Variants in TENM2 observed in about 807,000 individuals in gnomAD.
The protein encoded by TENM2 is teneurin-2.
Under a neutral mutation model 245.2 loss-of-function variants are expected in TENM2, and 52 were observed. The ratio of observed to expected loss-of-function variants is 0.21; its 90% CI spans 0.17 to 0.27. The LOEUF is 0.27. Ranked by LOEUF, TENM2 falls within the 10% of genes least tolerant of loss-of-function variation. The pLI is 1.00. For synonymous variants in TENM2, 1,363 were observed against 1,438.9 expected (o/e 0.95, Z 1.19); for missense variants, 3,046 against 3,666.8 (o/e 0.83, Z 4.37).
intron 7 of TENM2, among the ~76,000 whole-genome samples, chr5:168,071,258 G>A (rs1215559187): frequency 6.6e-6 from 1 of 152,190 alleles, no homozygotes; most frequent in Non-Finnish European, 1.5e-5. Context: ...ATTCATGCTG[G>A]CACATAGAAA....
chr5:167,676,127 A>AT (rs1174144838), intron 2 of TENM2, among the ~76,000 whole-genome samples: 3 of 152,002 alleles, frequency 2.0e-5, no homozygotes, highest in Admixed American at 2.0e-4. Context: ...ACATGGTCAA[A>AT]TTTTCCAGAA....
At chr5:167,424,753 C>T (rs1246977177) in intron 2 of TENM2, among the ~76,000 whole-genome samples, 1 of 151,912 alleles carries the variant, frequency 6.6e-6, no homozygotes, top group African/African-American at 2.4e-5. Flanking sequence ...AAAAAAAAAT[C>T]TTCTGTTCAG....
chr5:168,149,829 C>T (rs1429743211), intron 12 of TENM2, among the ~76,000 whole-genome samples: 2 of 152,370 alleles, frequency 1.3e-5, no homozygotes, highest in African/African-American at 2.4e-5. Context: ...GCTACAGCCA[C>T]ACGGGCCTCC....
intron 2 of TENM2, among the ~76,000 whole-genome samples, chr5:167,824,274 C>T (rs760253789): frequency 4.6e-5 from 7 of 152,100 alleles, no homozygotes; most frequent in Non-Finnish European, 8.8e-5. Context: ...TGATATGCCT[C>T]ACCCTGCCAC....
intron 2 of TENM2, among the ~76,000 whole-genome samples, chr5:167,784,075 G>A (rs1189074111): frequency 2.6e-5 from 4 of 152,190 alleles, no homozygotes; most frequent in Non-Finnish European, 5.9e-5. Flanking sequence ...ATGAAATTAG[G>A]TTTAATTTAA....
chr5:167,782,294 CAA>C (rs1764239509), intron 2 of TENM2, among the ~76,000 whole-genome samples: 1 of 47,232 alleles, frequency 2.1e-5, no homozygotes, highest in Non-Finnish European at 3.9e-5. Context: ...GCCTGGGCAA[CAA>C]GAGCAAAACT....
Position 168,219,012 on chromosome 5 carries a change from G to A in TENM2, c.5108+13G>A. 6.2e-7 allele frequency: 1 copy of A among 1,607,034 alleles called. No homozygotes were observed. Among genetic ancestry groups the A allele is most frequent in the South Asian group, 1.1e-5 (1 of 90,568 alleles). On this transcript the variant is annotated intron_variant, in intron 23 of 28. Transcript: ENST00000518659. ...CGACTTTCTATGAGTAAGTGGGTTTGTAAAGCATCTCTGAAGAGCCCTTCC... is the reference window on the plus strand; with the variant it reads ...CGACTTTCTATGAGTAAGTGGGTTTATAAAGCATCTCTGAAGAGCCCTTCC...
chr5:167,746,647 TG>T (rs1761585098), intron 2 of TENM2, among the ~76,000 whole-genome samples: 2 of 142,652 alleles, frequency 1.4e-5, no homozygotes, highest in Non-Finnish European at 3.0e-5. Flanking sequence ...TTTTCAGTTA[TG>T]TGGGCACTGT....
At chr5:167,114,266 G>GT in the TENM2 span, among the ~76,000 whole-genome samples, 1 of 152,294 alleles carries the variant, frequency 6.6e-6, no homozygotes, top group East Asian at 1.9e-4. Flanking sequence ...AACACTTTGA[G>GT]TGTTTCCCAT....
At chr5:168,013,767 A>G (rs1363463084) in intron 5 of TENM2, among the ~76,000 whole-genome samples, 1 of 152,182 alleles carries the variant, frequency 6.6e-6, no homozygotes, top group Non-Finnish European at 1.5e-5. Context: ...AAGGGACCAC[A>G]CACTGAGGGG....
At chr5:167,865,962 A>G (rs1772285535) in intron 2 of TENM2, among the ~76,000 whole-genome samples, 3 of 152,238 alleles carry the variant, frequency 2.0e-5, no homozygotes, top group African/African-American at 7.2e-5. Context: ...GGTGCTATTT[A>G]TTATGTACAG....
chr5:167,143,125 A>G, the TENM2 span, among the ~76,000 whole-genome samples: 1 of 152,146 alleles, frequency 6.6e-6, no homozygotes, highest in Non-Finnish European at 1.5e-5. Context: ...CTAGCCTCAA[A>G]TTGTGAATTA....
At position 167,317,448 on chromosome 5, in the gene TENM2, AG is replaced by A. The variant is rs532915611; in HGVS notation, c.226+32386del. 8.5e-5 allele frequency among the ~76,000 whole-genome samples: 13 copies of A among 152,240 alleles called. No individual in the cohort carries two copies. In the East Asian group the frequency reaches 1.7e-3, roughly 20 times the overall value. ...GAAAAGACCAACTCATCAACCCTAC[AG>A]TTAATCACTAAGAGAATTGAGCTCT... On this transcript the variant is annotated intron_variant, in intron 1 of 28. Coordinates refer to ENST00000518659, the Ensembl canonical transcript of TENM2.
the TENM2 span, among the ~76,000 whole-genome samples, chr5:167,034,643 A>AG: frequency 5.9e-5 from 9 of 151,456 alleles, no homozygotes; most frequent in Admixed American, 2.6e-4. Context: ...AAAAAAAAAA[A>AG]AAAAAAAAAA....
intron 3 of TENM2, among the ~76,000 whole-genome samples, chr5:167,930,998 A>C (rs1209521753): frequency 2.0e-5 from 3 of 152,162 alleles, no homozygotes; most frequent in African/African-American, 7.2e-5. Context: ...TAATTCTTAC[A>C]AAAAAGCAGA....
chr5:168,083,266 A>G (rs1792161978), intron 7 of TENM2, among the ~76,000 whole-genome samples: 2 of 152,196 alleles, frequency 1.3e-5, no homozygotes, highest in South Asian at 4.1e-4. Flanking sequence ...GCAGGATATA[A>G]TCTCCTGGTG....
At position 167,776,593 on chromosome 5, in the gene TENM2, G is replaced by GGAAAAAAAAAAAAAAA. The variant is rs1437587032; in HGVS notation, c.503-99393_503-99392insGAAAAAAAAAAAAAAA. ...TTGGGCAGCAGATGAGACCCTGTCT[G>GGAAAAAAAAAAAAAAA]AAAAAAAAAAAAAAAAAAAAAAAAA... is the stretch of plus-strand genomic sequence containing the variant. On this transcript the variant is annotated intron_variant, in intron 2 of 28. Coordinates refer to ENST00000518659, the Ensembl canonical transcript of TENM2. Among the ~76,000 whole-genome samples the GGAAAAAAAAAAAAAAA allele has an allele frequency of 1.7e-4, 6 of 36,026 alleles. 2 individuals are homozygous for GGAAAAAAAAAAAAAAA. The highest frequency in any genetic ancestry group is 5.2e-4 in the African/African-American group (6 of 11,440). The allele number at this position is 36,026 out of a possible 152,430, so 23.6% of individuals were successfully genotyped here.
In TENM2 at chr5:167,396,413, C is replaced by T. The variant is rs145691050; in HGVS notation, c.502+20940C>T. ...ATATGAAGTATCTAAGATAATCAAACTCATAAAAGCACAGAGTAGAATGAA... is the reference window on the plus strand; with the variant it reads ...ATATGAAGTATCTAAGATAATCAAATTCATAAAAGCACAGAGTAGAATGAA... On this transcript the variant is annotated intron_variant, in intron 2 of 28. Coordinates refer to ENST00000518659, the Ensembl canonical transcript of TENM2. 9.0e-4 allele frequency among the ~76,000 whole-genome samples: 137 copies of T among 152,100 alleles called. 2 individuals carry two copies. Among genetic ancestry groups the T allele is most frequent in the Middle Eastern group, 3.4e-3 (1 of 294 alleles).
At chr5:168,240,458 G>A (rs1480974990) in intron 25 of TENM2, among the ~76,000 whole-genome samples, 1 of 152,130 alleles carries the variant, frequency 6.6e-6, no homozygotes, top group African/African-American at 2.4e-5. Flanking sequence ...ATCTAAACTT[G>A]AGCAAGTCAC....
Sources: allele counts gnomAD v4.1 joint callset (sites outside exome capture counted in the v4.1 genomes callset), GRCh38; gene constraint gnomAD v4.1.1; transcripts MANE v1.5; gene names NCBI Gene and HGNC (gene_info 2026-07-23, HGNC 2026-07-21).